The following NRG2 variants were observed in gnomAD, a reference collection of about 807,000 sequenced individuals.
NRG2 encodes the protein neuregulin 2, also known as pro-neuregulin-2, membrane-bound isoform.
A neutral mutation model predicts 73.9 loss-of-function variants in NRG2; 27 were observed. The ratio of observed to expected loss-of-function variants is 0.37; its 90% confidence interval spans 0.27 to 0.50. The LOEUF (loss-of-function observed/expected upper bound fraction) is 0.50. Ranked by LOEUF, NRG2 falls within the 20% of genes least tolerant of loss-of-function variation. NRG2 has a pLI of 0.96. For synonymous variants in NRG2, 532 were observed against 541.0 expected, an observed-to-expected ratio of 0.98 and a Z score of 0.23; for missense variants, 1,126 against 1,210.1, an observed-to-expected ratio of 0.93 and a Z score of 1.03.
chr5:139,851,637 AC>A lies in NRG2; in HGVS notation c.1738del (p.Val580TrpfsTer17). The A allele has an allele frequency of 6.2e-7, 1 of 1,614,124 alleles. No individual in the cohort carries two copies. Among genetic ancestry groups the A allele is most frequent in the Non-Finnish European group, 8.5e-7 (1 of 1,180,030 alleles). On this transcript the variant is annotated frameshift_variant, in exon 9 of 10. Coordinates refer to ENST00000361474, the MANE Select transcript of NRG2 (RefSeq NM_004883.3). LOFTEE classifies it high-confidence loss of function. This position sits in a 1 kb window ranked among gnomAD's most constrained non-coding sequence, Gnocchi z 4.2. ...RATAPPYHDSVDSLRDSPHSE... is the reference protein window; with the variant it reads ...RATAPPYHDSXDSLRDSPHSE... ...GTGTGGGGAGTCGCGAAGGGAGTCCACGGAATCGTGATAGGGTGGCGCGGTG... is the reference window on the plus strand; with the variant it reads ...GTGTGGGGAGTCGCGAAGGGAGTCCAGGAATCGTGATAGGGTGGCGCGGTG...
intron 4 of NRG2, among the ~76,000 whole-genome samples, chr5:139,871,493 G>A (rs1213276398): frequency 6.6e-6 from 1 of 152,122 alleles, no homozygotes; most frequent in Non-Finnish European, 1.5e-5. Flanking sequence ...GAGATGGGGT[G>A]GGTAGGGGCC....
At chr5:140,027,207 C>T (rs1265282899) in intron 1 of NRG2, among the ~76,000 whole-genome samples, 1 of 152,162 alleles carries the variant, frequency 6.6e-6, no homozygotes, top group African/African-American at 2.4e-5. Flanking sequence ...TGGTCTCAAA[C>T]TCCTGGGTTC....
At chr5:139,914,738 C>T (rs553404064) in intron 1 of NRG2, among the ~76,000 whole-genome samples, 41 of 152,302 alleles carry the variant, frequency 2.7e-4, no homozygotes, top group East Asian at 1.7e-3. Flanking sequence ...CATTCCTGCC[C>T]GTTTCTTAGT....
chr5:139,900,149 A>T (rs984732685), intron 1 of NRG2, among the ~76,000 whole-genome samples: 3 of 152,044 alleles, frequency 2.0e-5, no homozygotes, highest in Non-Finnish European at 2.9e-5. Context: ...TCCTCTGTGA[A>T]GTCCTCCCTA....
At chr5:139,883,606 C>A (rs1219521222) in intron 2 of NRG2, among the ~76,000 whole-genome samples, 1 of 152,110 alleles carries the variant, frequency 6.6e-6, no homozygotes, top group Non-Finnish European at 1.5e-5. Context: ...TGTGGGCAGA[C>A]AAGACAGAGA....
At chr5:139,905,163 C>A (rs1026410815) in intron 1 of NRG2, among the ~76,000 whole-genome samples, 4 of 152,202 alleles carry the variant, frequency 2.6e-5, no homozygotes, top group African/African-American at 9.7e-5. Flanking sequence ...CTGCCGGCAC[C>A]AGCTGGCTCC....
chr5:139,903,769 G>A (rs1285278058), intron 1 of NRG2, among the ~76,000 whole-genome samples: 1 of 152,258 alleles, frequency 6.6e-6, no homozygotes, highest in East Asian at 1.9e-4. Flanking sequence ...TGGGGTTCGC[G>A]AGCGGGGCAG....
intron 1 of NRG2, among the ~76,000 whole-genome samples, chr5:139,932,221 AGTGTGTGT>A (rs3056594): frequency 4.5e-4 from 63 of 141,450 alleles, no homozygotes; most frequent in African/African-American, 1.1e-3. Flanking sequence ...AAGAAAATGT[AGTGTGTGT>A]GTGTGTGTGT....
rs538166273 is a variant in NRG2, at chr5:139,924,504, A to G, written c.701-36993T>C. 4.6e-5 allele frequency among the ~76,000 whole-genome samples: 7 copies of G among 152,308 alleles called. No individual in the cohort carries two copies. In the East Asian group the frequency reaches 1.3e-3, roughly 29 times the overall value. On this transcript the variant is annotated intron_variant, in intron 1 of 9. Transcript: ENST00000361474. Reference sequence around the variant, plus strand: ...ACTTCCCTGCTGGATTCCCTTGTTCATAACTTCTTGGTTTCACATAATAAT... The same window carrying G: ...ACTTCCCTGCTGGATTCCCTTGTTCGTAACTTCTTGGTTTCACATAATAAT...
In NRG2 at chr5:140,042,566, C is replaced by T. The variant is rs762704323; in HGVS notation, c.504G>A (p.Pro168=). Residue 168 remains proline, a synonymous_variant, in exon 1 of 10, where the codon CCG becomes CCA. Coordinates refer to ENST00000361474, the MANE Select transcript of NRG2 (RefSeq NM_004883.3). Reference sequence around the variant, plus strand: ...CGCGCTGCAGCCCCCCGCTCCGGAGCGGCCACTTGTCCAGCACCTTTACCA... The same window carrying T: ...CGCGCTGCAGCCCCCCGCTCCGGAGTGGCCACTTGTCCAGCACCTTTACCA... ...VALVKVLDKW[P]LRSGGLQREQ... The T allele has an allele frequency of 6.0e-5, 96 of 1,611,296 alleles. 2 individuals are homozygous for T. In the South Asian group the frequency reaches 1.0e-3, roughly 17 times the overall value.
chr5:139,977,480 G>T (rs1012497430), intron 1 of NRG2, among the ~76,000 whole-genome samples: 8 of 152,130 alleles, frequency 5.3e-5, no homozygotes, highest in Non-Finnish European at 8.8e-5. Context: ...TCAAGGTATG[G>T]GTAGGAAGAA....
intron 1 of NRG2, among the ~76,000 whole-genome samples, chr5:139,967,497 A>C (rs1185992725): frequency 6.6e-6 from 1 of 152,214 alleles, no homozygotes. Flanking sequence ...TGCCGTGCAC[A>C]AGGTGGGCCC....
At chr5:139,927,600 C>G (rs1463257129) in intron 1 of NRG2, among the ~76,000 whole-genome samples, 1 of 151,964 alleles carries the variant, frequency 6.6e-6, no homozygotes, top group East Asian at 1.9e-4. Flanking sequence ...CCCGTCTCTA[C>G]TAAAAATACA....
At chr5:139,990,087 C>T (rs980988519) in intron 1 of NRG2, among the ~76,000 whole-genome samples, 9 of 151,188 alleles carry the variant, frequency 6.0e-5, no homozygotes, top group African/African-American at 2.2e-4. Flanking sequence ...TGTGCCTGGC[C>T]TTATTATTAT....
chr5:139,972,563 A>G (rs1756051655), intron 1 of NRG2, among the ~76,000 whole-genome samples: 2 of 152,202 alleles, frequency 1.3e-5, no homozygotes. Context: ...CGTTTCTACT[A>G]AAAATACAAA....
intron 1 of NRG2, among the ~76,000 whole-genome samples, chr5:139,893,213 TAGAA>T (rs1764332596): frequency 1.3e-5 from 2 of 152,214 alleles, no homozygotes; most frequent in African/African-American, 4.8e-5. Context: ...TTTCCAAGTC[TAGAA>T]TCATTTCAGT....
chr5:140,019,105 C>T (rs1393035163), intron 1 of NRG2, among the ~76,000 whole-genome samples: 3 of 152,170 alleles, frequency 2.0e-5, no homozygotes, highest in Admixed American at 2.0e-4. Context: ...GAAAAATAAA[C>T]ACAGCTCTGG....
In NRG2 at chr5:139,848,348, G is replaced by C. The variant is rs991737258; in HGVS notation, c.2122C>G (p.Pro708Ala). 1.9e-4 allele frequency: 230 copies of C among 1,220,690 alleles called. No homozygotes were observed. The highest frequency in any genetic ancestry group is 2.1e-4 in the Non-Finnish European group (208 of 983,630). 75.6% of individuals were successfully genotyped at this position (1,220,690 alleles called of 1,614,324 possible). A position where few individuals can be genotyped will look rare whatever the true frequency, so the allele number is the denominator to read the frequency against. The change falls in exon 10 of 10, where the codon CCC becomes GCC. Residue 708 changes from proline to alanine, a missense_variant. This residue lies in a region of NRG2 where 402 missense variants were observed against 357.8 expected (regional missense o/e 1.12). Coordinates refer to ENST00000361474, the MANE Select transcript of NRG2 (RefSeq NM_004883.3). ...GTGGTCTCGTACTCGTCGTCCTCGGGGATGCGGAAGGGGCTGGCAGGCAGG... is the reference window on the plus strand; with the variant it reads ...GTGGTCTCGTACTCGTCGTCCTCGGCGATGCGGAAGGGGCTGGCAGGCAGG... ...GSLPASPFRI[P>A]EDDEYETTQE...
chr5:139,866,616 A>C (rs77499828), intron 4 of NRG2, among the ~76,000 whole-genome samples: 56 of 152,278 alleles, frequency 3.7e-4, no homozygotes, highest in Non-Finnish European at 6.5e-4. Flanking sequence ...TCAAGGTCCT[A>C]GTGGCAGCCA....
Sources: allele counts gnomAD v4.1 joint callset (sites outside exome capture counted in the v4.1 genomes callset), GRCh38; gene constraint gnomAD v4.1.1; regional missense constraint gnomAD v4.1.1; non-coding constraint Gnocchi (gnomAD v3.1); transcripts MANE v1.5; gene names NCBI Gene and HGNC (gene_info 2026-07-23, HGNC 2026-07-21).